The following PCSK5 variants were observed in gnomAD, a reference collection of about 807,000 sequenced individuals.
PCSK5 encodes the protein proprotein convertase subtilisin/kexin type 5.
A neutral mutation model predicts 233.2 loss-of-function variants in PCSK5; 129 were observed. That is an observed-to-expected ratio of 0.55 (90% confidence interval 0.48 to 0.64). The LOEUF (loss-of-function observed/expected upper bound fraction) is 0.64, where lower values mean the gene tolerates loss of function less well. PCSK5 is among the 30% of genes least tolerant of loss of function. The pLI is 0.00. For missense variants in PCSK5, 2,076 were observed against 2,430.1 expected (o/e 0.85, Z 3.06); for synonymous variants, 825 against 879.2 (o/e 0.94, Z 1.09).
chr9:76,186,176 A>G (rs751317695), intron 17 of PCSK5, among the ~76,000 whole-genome samples: 9 of 152,130 alleles, frequency 5.9e-5, no homozygotes, highest in Non-Finnish European at 1.0e-4. Flanking sequence ...ATTCTTTTTC[A>G]TTGTTGTACT....
intron 24 of PCSK5, among the ~76,000 whole-genome samples, chr9:76,256,443 G>C (rs1263847966): frequency 6.6e-6 from 1 of 152,210 alleles, no homozygotes; most frequent in African/African-American, 2.4e-5. Flanking sequence ...CGGACACACA[G>C]GGTGGAGGGT....
chr9:76,124,354 G>A (rs975812186), intron 9 of PCSK5, among the ~76,000 whole-genome samples: 1 of 152,134 alleles, frequency 6.6e-6, no homozygotes, highest in African/African-American at 2.4e-5. Context: ...GTAATTTTTA[G>A]TCCTCAGAGC....
rs552501717 is a variant in PCSK5 at position 76,351,537 on chromosome 9, G to A, written c.5067+609G>A. 8.9e-3 allele frequency among the ~76,000 whole-genome samples: 736 copies of A among 82,678 alleles called. 166 individuals carry two copies. Among genetic ancestry groups the A allele is most frequent in the Non-Finnish European group, 0.012 (428 of 35,426 alleles). 54.2% of individuals were successfully genotyped at this position (82,678 alleles called of 152,430 possible). ...GAAAGAAAGAAAGAAAGAAAGGAAG[G>A]AAAGAAAGAGAAAGAAGAGAGAGAG... On this transcript the variant is annotated intron_variant, in intron 36 of 37. Coordinates refer to ENST00000674117, the MANE Select transcript of PCSK5 (RefSeq NM_001372043.1).
chr9:76,270,403 T>C (rs181783111), intron 24 of PCSK5, among the ~76,000 whole-genome samples: 2 of 152,252 alleles, frequency 1.3e-5, no homozygotes, highest in Non-Finnish European at 2.9e-5. Flanking sequence ...TAATAAAAAA[T>C]ATTATTTTGG....
intron 1 of PCSK5, among the ~76,000 whole-genome samples, chr9:75,911,602 ATT>A (rs1272961249): frequency 6.6e-6 from 1 of 152,118 alleles, no homozygotes; most frequent in East Asian, 1.9e-4. Context: ...CACAGTCATT[ATT>A]GCTTCTGAAG....
chr9:76,160,494 T>C (rs1395752992), intron 12 of PCSK5, among the ~76,000 whole-genome samples: 1 of 152,134 alleles, frequency 6.6e-6, no homozygotes, highest in Non-Finnish European at 1.5e-5. Context: ...ATCAGTGGCA[T>C]ATATAGTTCA....
intron 35 of PCSK5, among the ~76,000 whole-genome samples, chr9:76,343,163 GA>G (rs1202905425): frequency 2.2e-5 from 2 of 92,018 alleles, no homozygotes; most frequent in Non-Finnish European, 4.2e-5. Flanking sequence ...CCTTAGGATA[GA>G]ATTTTTTTTT....
At chr9:76,024,854 T>C (rs760790987) in intron 4 of PCSK5, among the ~76,000 whole-genome samples, 2 of 152,188 alleles carry the variant, frequency 1.3e-5, no homozygotes, top group Non-Finnish European at 2.9e-5. Flanking sequence ...TCTGGATTTG[T>C]TTAATCACTT....
At position 76,114,724 on chromosome 9, in the gene PCSK5, C is replaced by T. The variant is rs1481813189; in HGVS notation, c.1208+7373C>T. Among the ~76,000 whole-genome samples, 7 of 152,100 alleles carry T rather than the reference C, an allele frequency of 4.6e-5. No individual in the cohort carries two copies. In the East Asian group the frequency reaches 1.3e-3, roughly 29 times the overall value. ...GAAAAATGTTATTAGTCACTAAAAACATTTTATTCTTATTACTATAATAAT... is the reference window on the plus strand; with the variant it reads ...GAAAAATGTTATTAGTCACTAAAAATATTTTATTCTTATTACTATAATAAT... On this transcript the variant is annotated intron_variant, in intron 9 of 37. Coordinates refer to ENST00000674117, the MANE Select transcript of PCSK5 (RefSeq NM_001372043.1).
intron 20 of PCSK5, among the ~76,000 whole-genome samples, chr9:76,218,840 TAGG>T (rs1825631350): frequency 6.6e-6 from 1 of 152,226 alleles, no homozygotes; most frequent in South Asian, 2.1e-4. Context: ...TGACCCGCAG[TAGG>T]CACGGAGCAA....
At chr9:76,157,398 T>C (rs564243254) in intron 11 of PCSK5, among the ~76,000 whole-genome samples, 2 of 152,330 alleles carry the variant, frequency 1.3e-5, no homozygotes, top group East Asian at 3.9e-4. Context: ...GGGGATATGC[T>C]TACCCCTGGG....
At chr9:76,284,583 A>T (rs1330452800) in intron 24 of PCSK5, among the ~76,000 whole-genome samples, 2 of 127,148 alleles carry the variant, frequency 1.6e-5, no homozygotes, top group Admixed American at 1.0e-4. Context: ...CTCAGGCTGG[A>T]GTGCAATGGC....
At chr9:76,203,151 T>C (rs147233832) in intron 20 of PCSK5, among the ~76,000 whole-genome samples, 16 of 152,156 alleles carry the variant, frequency 1.1e-4, no homozygotes, top group Non-Finnish European at 1.8e-4. Flanking sequence ...CTGTTCCATG[T>C]AAAGAGAAAA....
intron 24 of PCSK5, among the ~76,000 whole-genome samples, chr9:76,281,373 G>A (rs778873355): frequency 6.6e-6 from 1 of 152,172 alleles, no homozygotes; most frequent in Non-Finnish European, 1.5e-5. Flanking sequence ...AAAATCCTAG[G>A]CCCTTAAGAA....
At chr9:76,059,575 T>A (rs1454831519) in intron 5 of PCSK5, among the ~76,000 whole-genome samples, 2 of 152,184 alleles carry the variant, frequency 1.3e-5, no homozygotes, top group African/African-American at 2.4e-5. Flanking sequence ...TTTCTACATA[T>A]GGCTGGCCAG....
chr9:75,940,014 A>G (rs942534551), intron 2 of PCSK5, among the ~76,000 whole-genome samples: 3 of 152,192 alleles, frequency 2.0e-5, no homozygotes, highest in African/African-American at 7.2e-5. Context: ...TTATTGTGGA[A>G]TCACAGACTC....
chr9:76,152,754 C>T (rs1823724779), intron 10 of PCSK5, among the ~76,000 whole-genome samples: 1 of 152,210 alleles, frequency 6.6e-6, no homozygotes, highest in African/African-American at 2.4e-5. Context: ...CCAGAAACTT[C>T]TATTTTTTTT....
At chr9:76,262,566 C>T (rs377185798) in intron 24 of PCSK5, among the ~76,000 whole-genome samples, 1,779 of 148,996 alleles carry the variant, frequency 0.012, 13 homozygotes, top group Middle Eastern at 0.042. Context: ...GGAAAACTGG[C>T]TAGCCATATG....
Position 76,321,488 on chromosome 9 carries a change from C to A in PCSK5, c.3951C>A (p.Asn1317Lys). ...CTCCTTGCAGAACATGTGAAGGAAA[C>A]GCCACCAACTGCCATTCTTGTGAAG... ...CSSPCRTCEG[N>K]ATNCHSCEGG... Residue 1317 changes from asparagine to lysine, a missense_variant, in exon 31 of 38, where the codon AAC becomes AAA. Transcript: ENST00000674117. The A allele has an allele frequency of 6.2e-7, 1 of 1,612,180 alleles. No homozygotes were observed. Among genetic ancestry groups the A allele is most frequent in the African/African-American group, 1.3e-5 (1 of 75,022 alleles).
Sources: allele counts gnomAD v4.1 joint callset (sites outside exome capture counted in the v4.1 genomes callset), GRCh38; gene constraint gnomAD v4.1.1; transcripts MANE v1.5; gene names NCBI Gene and HGNC (gene_info 2026-07-23, HGNC 2026-07-21).